The following RGS6 variants were observed in gnomAD, a reference collection of about 807,000 sequenced individuals.
The protein encoded by RGS6 is regulator of G protein signaling 6.
RGS6 carries 30 observed loss-of-function variants against 78.5 expected under a neutral mutation model. That is an observed-to-expected ratio of 0.38 (90% confidence interval 0.29 to 0.52). The LOEUF (loss-of-function observed/expected upper bound fraction) is 0.52. RGS6 is among the 20% of genes least tolerant of loss of function. The probability of loss-of-function intolerance (pLI) is 0.85; values close to 1 mark genes in which losing one functional copy is unlikely to be tolerated. For synonymous variants in RGS6, 206 were observed against 206.0 expected, an observed-to-expected ratio of 1.00 and a Z score of 0.00; for missense variants, 495 against 609.7, an observed-to-expected ratio of 0.81 and a Z score of 1.98.
At chr14:72,583,162 A>C in the RGS6 span, among the ~76,000 whole-genome samples, 1 of 152,092 alleles carries the variant, frequency 6.6e-6, no homozygotes, top group Non-Finnish European at 1.5e-5. Flanking sequence ...GTCAGCCTCA[A>C]ACTGAGAGTA....
intron 17 of RGS6, chr14:72,547,260 C>A (rs1470531533): frequency 2.0e-6 from 3 of 1,535,598 alleles, no homozygotes; most frequent in Non-Finnish European, 2.6e-6. Flanking sequence ...GACAGCACTG[C>A]CAATGTCACG....
chr14:72,395,027 T>C (rs1280958876), intron 3 of RGS6, among the ~76,000 whole-genome samples: 2 of 152,028 alleles, frequency 1.3e-5, no homozygotes, highest in African/African-American at 2.4e-5. Context: ...CCTGCAACAA[T>C]AATTATTTAT....
At chr14:72,574,084 A>G in the RGS6 span, among the ~76,000 whole-genome samples, 1 of 152,198 alleles carries the variant, frequency 6.6e-6, no homozygotes, top group African/African-American at 2.4e-5. Flanking sequence ...GTGGTTTGGA[A>G]TACCCACACA....
intron 2 of RGS6, among the ~76,000 whole-genome samples, chr14:72,081,743 TG>T (rs1433990654): frequency 2.0e-5 from 3 of 152,124 alleles, no homozygotes; most frequent in African/African-American, 7.2e-5. Flanking sequence ...ATGCTAAAAA[TG>T]CAAGTCTATC....
the RGS6 span, among the ~76,000 whole-genome samples, chr14:72,581,391 A>T: frequency 1.3e-5 from 2 of 151,890 alleles, no homozygotes; most frequent in Non-Finnish European, 1.5e-5. Flanking sequence ...CTTCTTCCCC[A>T]CTGCCACTCA....
At chr14:72,443,473 T>G (rs2095270855) in intron 3 of RGS6, among the ~76,000 whole-genome samples, 1 of 152,232 alleles carries the variant, frequency 6.6e-6, no homozygotes, top group Admixed American at 6.5e-5. Flanking sequence ...AGTGTTGCTG[T>G]GCTAACCCTG....
chr14:72,591,260 A>G, the RGS6 span, among the ~76,000 whole-genome samples: 5 of 152,376 alleles, frequency 3.3e-5, no homozygotes, highest in Non-Finnish European at 5.9e-5. Flanking sequence ...GATATCTGAA[A>G]TGAAGTGAAG....
Position 72,269,258 on chromosome 14 carries a change from C to T in RGS6, c.85-82837C>T, listed in dbSNP as rs113427163. ...CTAAAGTTGATGCCCAACACACAGG[C>T]AGATAAACCAGATCAGACTTGTGAC... is the stretch of plus-strand genomic sequence containing the variant. On this transcript the variant is annotated intron_variant, in intron 2 of 17. Coordinates refer to ENST00000553525, the MANE Select transcript of RGS6 (RefSeq NM_001204424.2). 2.1e-3 allele frequency among the ~76,000 whole-genome samples: 317 copies of T among 152,326 alleles called. 1 individual carries two copies. The highest frequency in any genetic ancestry group is 6.9e-3 in the African/African-American group (285 of 41,570).
At chr14:72,458,016 T>A (rs535887486) in intron 4 of RGS6, among the ~76,000 whole-genome samples, 1 of 152,308 alleles carries the variant, frequency 6.6e-6, no homozygotes, top group South Asian at 2.1e-4. Flanking sequence ...CCAGACTTTC[T>A]TCTGAAGGTC....
the RGS6 span, among the ~76,000 whole-genome samples, chr14:72,608,554 C>T: frequency 6.6e-6 from 1 of 152,136 alleles, no homozygotes; most frequent in African/African-American, 2.4e-5. Flanking sequence ...CCCCACCTCT[C>T]CTGTGAGTCA....
chr14:72,359,532 T>C (rs1328153832), intron 3 of RGS6, among the ~76,000 whole-genome samples: 1 of 152,158 alleles, frequency 6.6e-6, no homozygotes, highest in African/African-American at 2.4e-5. Flanking sequence ...TGTGCTGGGT[T>C]CATAAGCCAT....
At chr14:72,110,196 T>G (rs1044942802) in intron 2 of RGS6, among the ~76,000 whole-genome samples, 2 of 152,036 alleles carry the variant, frequency 1.3e-5, no homozygotes, top group African/African-American at 4.8e-5. Flanking sequence ...ATATTCTTAT[T>G]TAACCCTCAC....
At chr14:72,399,206 TG>T (rs1342193491) in intron 3 of RGS6, among the ~76,000 whole-genome samples, 2 of 150,436 alleles carry the variant, frequency 1.3e-5, no homozygotes, top group African/African-American at 5.0e-5. Flanking sequence ...TTTATGAATC[TG>T]GGTGCTCCTG....
At chr14:72,285,401 A>G (rs2062354556) in intron 2 of RGS6, among the ~76,000 whole-genome samples, 1 of 152,054 alleles carries the variant, frequency 6.6e-6, no homozygotes, top group Non-Finnish European at 1.5e-5. Flanking sequence ...ATGGGATCTA[A>G]TGGTTTTATA....
chr14:71,930,530 A>G (rs2087793865), upstream of RGS6, among the ~76,000 whole-genome samples: 1 of 152,242 alleles, frequency 6.6e-6, no homozygotes, highest in South Asian at 2.1e-4. Context: ...ATGAAAATAC[A>G]TATCTAATTC....
intron 2 of RGS6, among the ~76,000 whole-genome samples, chr14:72,091,364 G>GC (rs1398770496): frequency 6.6e-6 from 1 of 152,188 alleles, no homozygotes; most frequent in Non-Finnish European, 1.5e-5. Context: ...AGCATTAGGT[G>GC]CCCTTAGCTT....
At chr14:72,172,407 G>A (rs1260748068) in intron 2 of RGS6, among the ~76,000 whole-genome samples, 1 of 151,668 alleles carries the variant, frequency 6.6e-6, no homozygotes, top group Non-Finnish European at 1.5e-5. Flanking sequence ...CAAAAATTAG[G>A]TTGTGGTTTT....
chr14:71,996,643 C>T (rs2095217254), intron 2 of RGS6, among the ~76,000 whole-genome samples: 2 of 152,136 alleles, frequency 1.3e-5, no homozygotes, highest in African/African-American at 2.4e-5. Context: ...CTTTTTATTG[C>T]TCTATGTCTT....
intron 2 of RGS6, among the ~76,000 whole-genome samples, chr14:71,969,028 A>G (rs919691484): frequency 2.0e-5 from 3 of 151,918 alleles, no homozygotes; most frequent in South Asian, 2.1e-4. Flanking sequence ...CCTGTGTCCA[A>G]GTGTTCTCAT....
Sources: gnomAD v4.1 joint callset for allele counts (sites outside exome capture counted in the v4.1 genomes callset) on GRCh38, gnomAD v4.1.1 for gene constraint, MANE v1.5 for transcripts, NCBI Gene and HGNC (gene_info 2026-07-23, HGNC 2026-07-21) for gene names.